Variants in GRIN2A observed in about 807,000 individuals in gnomAD.
The protein encoded by GRIN2A is glutamate receptor ionotropic, NMDA 2A.
In GRIN2A, 22 loss-of-function variants were observed where a neutral mutation model predicts 113.4. That is an observed-to-expected ratio of 0.19 (90% CI 0.14 to 0.28). The LOEUF (loss-of-function observed/expected upper bound fraction) is 0.28, where lower values mean the gene tolerates loss of function less well. GRIN2A is among the 10% of genes least tolerant of loss of function. GRIN2A has a pLI of 1.00. For synonymous variants in GRIN2A, 827 were observed against 738.4 expected, an observed-to-expected ratio of 1.12 and a Z score of -1.94; for missense variants, 1,502 against 1,887.0, an observed-to-expected ratio of 0.80 and a Z score of 3.78.
intron 2 of GRIN2A, among the ~76,000 whole-genome samples, chr16:10,173,832 T>A (rs1290646698): frequency 6.6e-6 from 1 of 152,124 alleles, no homozygotes; most frequent in Non-Finnish European, 1.5e-5. Flanking sequence ...ATAATCAAGT[T>A]TAAAAAAATA....
intron 2 of GRIN2A, among the ~76,000 whole-genome samples, chr16:10,139,323 T>C (rs949485188): frequency 1.3e-5 from 2 of 151,854 alleles, no homozygotes; most frequent in African/African-American, 2.4e-5. Context: ...TTATACCCTG[T>C]GGGGAGGCAG....
chr16:9,908,383 C>G (rs2044068494), intron 3 of GRIN2A, among the ~76,000 whole-genome samples: 1 of 151,196 alleles, frequency 6.6e-6, no homozygotes, highest in Non-Finnish European at 1.5e-5. Context: ...TTTTGTTTTT[C>G]TGTATAAATG....
At chr16:10,040,109 C>T in intron 2 of GRIN2A, among the ~76,000 whole-genome samples, 1 of 149,316 alleles carries the variant, frequency 6.7e-6, no homozygotes, top group Non-Finnish European at 1.5e-5. Flanking sequence ...TACACACATC[C>T]ACACCGCACA....
intron 3 of GRIN2A, among the ~76,000 whole-genome samples, chr16:9,905,609 T>C (rs952000261): frequency 6.6e-5 from 10 of 152,222 alleles, no homozygotes; most frequent in African/African-American, 2.2e-4. Context: ...CTTCCTTCTA[T>C]ACCAGTACAG....
At chr16:9,809,600 A>G (rs1314186753) in intron 10 of GRIN2A, among the ~76,000 whole-genome samples, 1 of 151,910 alleles carries the variant, frequency 6.6e-6, no homozygotes, top group African/African-American at 2.4e-5. Context: ...GAAGCAATAT[A>G]GCATAATGGT....
At chr16:9,770,317 G>A (rs568559482) in intron 11 of GRIN2A, among the ~76,000 whole-genome samples, 190 of 152,216 alleles carry the variant, frequency 1.2e-3, no homozygotes, top group African/African-American at 4.2e-3. Flanking sequence ...AAAAATTAAC[G>A]AAATACTCCA....
In GRIN2A at chr16:9,764,943, G is replaced by C. The variant is rs768337205; in HGVS notation, c.2601C>G (p.Ile867Met). ...TGTGCACTCCATGAATGCAGCTGTA[G>C]ATGCCCTGTAGGGGAGCAACATAAA... ...PGLLFSISRG[I>M]YSCIHGVHIE... The change falls in exon 13 of 13, where the codon ATC becomes ATG. Residue 867 changes from isoleucine to methionine, a missense_variant. Coordinates refer to ENST00000330684, the MANE Select transcript of GRIN2A (RefSeq NM_001134407.3). The C allele has an allele frequency of 1.1e-5, 17 of 1,614,028 alleles. No homozygotes were observed. Among genetic ancestry groups the C allele is most frequent in the Non-Finnish European group, 1.4e-5 (16 of 1,180,010 alleles).
In GRIN2A at chr16:9,764,354, T is replaced by C. The variant is rs138809301; in HGVS notation, c.3190A>G (p.Thr1064Ala). 600 of 1,614,042 alleles carry C rather than the reference T, an allele frequency of 3.7e-4. 2 individuals carry two copies. The highest frequency in any genetic ancestry group is 5.7e-4 in the Admixed American group (34 of 60,004). Residue 1064 changes from threonine (T) to alanine (A), a missense_variant, in exon 13 of 13, where the codon ACG becomes GCG. By Grantham distance (58) the Thr-to-Ala change is moderately conservative. Transcript: ENST00000330684. ...EEMAHSDISE[T>A]SNRATCHREP... ...CTGTGGCACGTGGCCCGATTTGACG[T>C]TTCTGAAATGTCAGAGTGGGCCATC...
chr16:10,113,530 A>C (rs2048668052), intron 2 of GRIN2A, among the ~76,000 whole-genome samples: 1 of 152,204 alleles, frequency 6.6e-6, no homozygotes, highest in South Asian at 2.1e-4. Context: ...GAAGGCTTTA[A>C]CTTTGCACAT....
At chr16:10,022,754 A>C (rs1045751320) in intron 2 of GRIN2A, among the ~76,000 whole-genome samples, 128 of 152,218 alleles carry the variant, frequency 8.4e-4, no homozygotes, top group African/African-American at 3.0e-3. Flanking sequence ...ATATATTCCC[A>C]CAGTTCTCTT....
intron 2 of GRIN2A, among the ~76,000 whole-genome samples, chr16:9,993,850 C>T (rs981614403): frequency 6.6e-6 from 1 of 152,212 alleles, no homozygotes; most frequent in African/African-American, 2.4e-5. Flanking sequence ...TGAGTCAGGA[C>T]AGGCGGCTCA....
intron 2 of GRIN2A, among the ~76,000 whole-genome samples, chr16:9,942,919 T>A (rs1312880327): frequency 6.6e-6 from 1 of 152,178 alleles, no homozygotes; most frequent in Non-Finnish European, 1.5e-5. Flanking sequence ...AGCAAGGGCC[T>A]ATTTGCAAAA....
chr16:9,832,452 T>A (rs79330818), intron 8 of GRIN2A, among the ~76,000 whole-genome samples: 2,045 of 152,250 alleles, frequency 0.013, 60 homozygotes, highest in African/African-American at 0.047. Context: ...ATCATGTCAC[T>A]ATGTTTTTTT....
At chr16:9,843,016 AG>A (rs1000123390) in intron 5 of GRIN2A, among the ~76,000 whole-genome samples, 3 of 150,406 alleles carry the variant, frequency 2.0e-5, no homozygotes, top group Non-Finnish European at 4.4e-5. Flanking sequence ...AAAGAGAAAA[AG>A]GGGGGAGAGG....
chr16:9,960,308 C>A (rs1023789507), intron 2 of GRIN2A, among the ~76,000 whole-genome samples: 1 of 152,142 alleles, frequency 6.6e-6, no homozygotes, highest in African/African-American at 2.4e-5. Flanking sequence ...ATACTTTTAT[C>A]ATAACCTTAT....
chr16:10,065,817 C>G (rs1452654380), intron 2 of GRIN2A, among the ~76,000 whole-genome samples: 2 of 152,292 alleles, frequency 1.3e-5, no homozygotes, highest in African/African-American at 2.4e-5. Context: ...GGGAGGTTGA[C>G]CCTCTGTCAT....
chr16:9,842,435 T>G (rs2042697174), intron 5 of GRIN2A, among the ~76,000 whole-genome samples: 1 of 152,184 alleles, frequency 6.6e-6, no homozygotes. Flanking sequence ...TGTTCTCTGT[T>G]TGAATATCCC....
intron 4 of GRIN2A, among the ~76,000 whole-genome samples, chr16:9,890,547 T>A (rs183238073): frequency 6.6e-6 from 1 of 152,358 alleles, no homozygotes; most frequent in East Asian, 1.9e-4. Context: ...TTTAAGTTTT[T>A]AAAATTAGTT....
intron 2 of GRIN2A, among the ~76,000 whole-genome samples, chr16:10,127,615 T>TTA (rs1222876665): frequency 1.3e-5 from 2 of 152,194 alleles, no homozygotes; most frequent in African/African-American, 4.8e-5. Context: ...CCCAGCCTTT[T>TTA]TATAGCATGA....
Sources: allele counts gnomAD v4.1 joint callset (sites outside exome capture counted in the v4.1 genomes callset), GRCh38; gene constraint gnomAD v4.1.1; transcripts MANE v1.5; gene names NCBI Gene and HGNC (gene_info 2026-07-23, HGNC 2026-07-21).